Variants in CDIP1 observed in about 807,000 individuals in gnomAD.
The protein encoded by CDIP1 is cell death-inducing p53-target protein 1.
In CDIP1, 9 loss-of-function variants were observed where a neutral mutation model predicts 17.7. That is an observed-to-expected ratio of 0.51 (90% CI 0.31 to 0.89). The LOEUF (loss-of-function observed/expected upper bound fraction) is 0.89, where lower values mean the gene tolerates loss of function less well. Ranked by LOEUF, CDIP1 falls within the 40% of genes least tolerant of loss-of-function variation. The probability of loss-of-function intolerance (pLI) is 0.05; values close to 1 mark genes in which losing one functional copy is unlikely to be tolerated. For missense variants in CDIP1, 263 were observed against 277.9 expected, an observed-to-expected ratio of 0.95 and a Z score of 0.38; for synonymous variants, 117 against 109.5, an observed-to-expected ratio of 1.07 and a Z score of -0.43.
intron 1 of CDIP1, among the ~76,000 whole-genome samples, chr16:4,522,934 G>A (rs144710947): frequency 3.9e-5 from 6 of 152,340 alleles, no homozygotes; most frequent in Non-Finnish European, 7.3e-5. Flanking sequence ...AACCCACCTT[G>A]GAGGGCGGTG....
In CDIP1 at chr16:4,512,626, C is replaced by G; in HGVS notation, c.573G>C (p.Thr191=). The part of the protein sequence containing the change: ...PCLINDFKDV[T]HTCPSCKAYI... Reference sequence around the variant, plus strand: ...AGGCTTTGCAGCTGGGGCATGTGTGCGTCACATCCTTGAAGTCATTGATGA... The same window carrying G: ...AGGCTTTGCAGCTGGGGCATGTGTGGGTCACATCCTTGAAGTCATTGATGA... Residue 191 remains threonine, a synonymous_variant, in exon 6 of 6, where the codon ACG becomes ACC. Transcript: ENST00000567695. This position sits in a 1 kb window ranked among gnomAD's most constrained non-coding sequence, Gnocchi z 4.6. The G allele has an allele frequency of 6.2e-7, 1 of 1,614,052 alleles. No homozygotes were observed.
intron 1 of CDIP1, among the ~76,000 whole-genome samples, chr16:4,527,295 G>C (rs1327309055): frequency 1.3e-5 from 2 of 152,052 alleles, no homozygotes; most frequent in African/African-American, 2.4e-5. Flanking sequence ...CACCGTGTTA[G>C]CCAGGGTGGT....
chr16:4,528,899 GAA>G (rs1323342357), intron 1 of CDIP1, among the ~76,000 whole-genome samples: 3 of 152,018 alleles, frequency 2.0e-5, no homozygotes, highest in Admixed American at 2.0e-4. Context: ...TGAGGCAAAA[GAA>G]TTACTTGAAC....
chr16:4,520,915 T>G (rs2058939417), intron 1 of CDIP1, among the ~76,000 whole-genome samples: 1 of 152,222 alleles, frequency 6.6e-6, no homozygotes, highest in Non-Finnish European at 1.5e-5. Flanking sequence ...GGCAGCTAGT[T>G]CGGCCCACAC....
At chr16:4,538,083 C>A (rs2059128777) in intron 1 of CDIP1, among the ~76,000 whole-genome samples, 1 of 152,188 alleles carries the variant, frequency 6.6e-6, no homozygotes, top group African/African-American at 2.4e-5. Context: ...CCACCCCTCC[C>A]CTCCCCGTCT....
intron 1 of CDIP1, among the ~76,000 whole-genome samples, chr16:4,528,683 C>CA (rs374609894): frequency 0.023 from 1,171 of 50,848 alleles, 66 homozygotes; most frequent in African/African-American, 0.071. Context: ...AACCCTGTCT[C>CA]AAAAAAAAAA....
At chr16:4,523,728 G>A (rs925186730) in intron 1 of CDIP1, 2 of 152,344 alleles carry the variant, frequency 1.3e-5, no homozygotes, top group Admixed American at 6.5e-5. Flanking sequence ...CTGGGAGGAG[G>A]TGGCGGAAGA....
Position 4,513,015 on chromosome 16 carries a change from T to C in CDIP1, c.291A>G (p.Pro97=), listed in dbSNP as rs963699578. ...GGTAGGGCCCTGGCGTGTAGGGCCC[T>C]GGGGGGTAGTAGCCCATGGGTGGGT... ...GPHPPMGYYP[P]GPYTPGPYPG... is the part of the protein sequence containing the mutation. Residue 97 remains proline (P), a synonymous_variant, in exon 5 of 6, where the codon CCA becomes CCG. Coordinates refer to ENST00000567695, the MANE Select transcript of CDIP1 (RefSeq NM_013399.3). The surrounding 1 kb of genome is among the most constrained non-coding windows in gnomAD (Gnocchi z 4.1). The C allele has an allele frequency of 1.3e-6, 2 of 1,592,544 alleles. No homozygotes were observed. The highest frequency in any genetic ancestry group is 1.7e-6 in the Non-Finnish European group (2 of 1,171,418).
At chr16:4,516,224 T>C (rs756293110) in intron 1 of CDIP1, among the ~76,000 whole-genome samples, 1 of 152,026 alleles carries the variant, frequency 6.6e-6, no homozygotes, top group Non-Finnish European at 1.5e-5. Context: ...GGCAAACCCA[T>C]AGAAACGGAA....
In CDIP1 at chr16:4,513,121, CAAAG is replaced by C. The variant is rs1430704864; in HGVS notation, c.242-61_242-58del. 35 of 1,486,184 alleles carry C rather than the reference CAAAG, an allele frequency of 2.4e-5. No homozygotes were observed. Among genetic ancestry groups the C allele is most frequent in the Non-Finnish European group, 2.9e-5 (33 of 1,119,518 alleles). 92.1% of individuals were successfully genotyped at this position (1,486,184 alleles called of 1,614,324 possible). A position where few individuals can be genotyped will look rare whatever the true frequency, so the allele number is the denominator to read the frequency against. On this transcript the variant is annotated intron_variant, in intron 4 of 5. Coordinates refer to ENST00000567695, the MANE Select transcript of CDIP1 (RefSeq NM_013399.3). This position sits in a 1 kb window ranked among gnomAD's most constrained non-coding sequence, Gnocchi z 4.1. ...TCACTGGCCTGCCACCTGCACCAGA[CAAAG>C]AGATTGGCGCAAAGCCCCACGGTCC... is the stretch of plus-strand genomic sequence containing the variant.
intron 1 of CDIP1, among the ~76,000 whole-genome samples, chr16:4,529,798 C>CA (rs1482349071): frequency 6.6e-6 from 1 of 152,200 alleles, no homozygotes; most frequent in Non-Finnish European, 1.5e-5. Context: ...CTGCAACCTA[C>CA]AAAAAAGCAC....
intron 1 of CDIP1, 62 bp downstream of exon 1, chr16:4,538,640 C>G (rs893532619): frequency 6.6e-6 from 1 of 152,210 alleles, no homozygotes; most frequent in South Asian, 2.1e-4. Flanking sequence ...GCGCCCAGAC[C>G]CTTCCCCCGG....
At position 4,513,543 on chromosome 16, in the gene CDIP1, T is replaced by C. The variant is rs2058855313; in HGVS notation, c.241+153A>G. Among the ~76,000 whole-genome samples, 1 of 152,176 alleles carries C rather than the reference T, an allele frequency of 6.6e-6. No individual in the cohort carries two copies. The highest frequency in any genetic ancestry group is 6.5e-5 in the Admixed American group (1 of 15,278). ...CACCTTCCCACGTCCACAGTCCCTGTCCACACACAGCCTGAGCCCTAGGCA... is the reference window on the plus strand; with the variant it reads ...CACCTTCCCACGTCCACAGTCCCTGCCCACACACAGCCTGAGCCCTAGGCA... On this transcript the variant is annotated intron_variant, in intron 4 of 5. Transcript: ENST00000567695. This position sits in a 1 kb window ranked among gnomAD's most constrained non-coding sequence, Gnocchi z 4.1.
In CDIP1 at chr16:4,513,439, A is replaced by AG. The variant is rs2058854197; in HGVS notation, c.241+256dup. 6.6e-6 allele frequency among the ~76,000 whole-genome samples: 1 copy of AG among 152,032 alleles called. No individual in the cohort carries two copies. Among genetic ancestry groups the AG allele is most frequent in the South Asian group, 2.1e-4 (1 of 4,818 alleles). On this transcript the variant is annotated intron_variant, in intron 4 of 5. Transcript: ENST00000567695. The surrounding 1 kb of genome is among the most constrained non-coding windows in gnomAD (Gnocchi z 4.1). Reference sequence around the variant, plus strand: ...GTCACCCACCCCTCTCCTGCACACAAGGCGCCCCTCCCCACCCATGTCAGG... The same window carrying AG: ...GTCACCCACCCCTCTCCTGCACACAAGGGCGCCCCTCCCCACCCATGTCAGG...
At chr16:4,519,468 C>G (rs1204473404) in intron 1 of CDIP1, among the ~76,000 whole-genome samples, 1 of 152,224 alleles carries the variant, frequency 6.6e-6, no homozygotes, top group Non-Finnish European at 1.5e-5. Context: ...GGCTACAAAT[C>G]ACTATCTTGG....
At chr16:4,517,677 G>C (rs762464919) in intron 1 of CDIP1, among the ~76,000 whole-genome samples, 1 of 151,850 alleles carries the variant, frequency 6.6e-6, no homozygotes, top group African/African-American at 2.4e-5. Context: ...AGACTCAGAG[G>C]ATACAGTGAG....
chr16:4,527,533 C>T (rs531964862), intron 1 of CDIP1, among the ~76,000 whole-genome samples: 7 of 151,564 alleles, frequency 4.6e-5, no homozygotes, highest in Non-Finnish European at 1.0e-4. Context: ...AGTAAAACCT[C>T]CTGGCAAACC....
At chr16:4,534,601 G>A (rs889382225) in intron 1 of CDIP1, among the ~76,000 whole-genome samples, 1 of 152,054 alleles carries the variant, frequency 6.6e-6, no homozygotes, top group African/African-American at 2.4e-5. Context: ...TGGCTGACAG[G>A]TGAGAACAAC....
chr16:4,524,860 T>G (rs1021223262), intron 1 of CDIP1, among the ~76,000 whole-genome samples: 9 of 152,270 alleles, frequency 5.9e-5, no homozygotes, highest in Admixed American at 3.9e-4. Context: ...TTCCAGCACT[T>G]TGGATGCCAA....
Sources: gnomAD v4.1 joint callset for allele counts (sites outside exome capture counted in the v4.1 genomes callset) on GRCh38, gnomAD v4.1.1 for gene constraint, Gnocchi (gnomAD v3.1) non-coding constraint, MANE v1.5 for transcripts, NCBI Gene and HGNC (gene_info 2026-07-23, HGNC 2026-07-21) for gene names.